The following MTG2 variants were observed in gnomAD, a reference collection of about 807,000 sequenced individuals.
The protein encoded by MTG2 is mitochondrial ribosome-associated GTPase 2.
In MTG2, 23 loss-of-function variants were observed where a neutral mutation model predicts 28.6. The ratio of observed to expected loss-of-function variants is 0.80; its 90% CI spans 0.58 to 1.14. The LOEUF (loss-of-function observed/expected upper bound fraction) is 1.14, where lower values mean the gene tolerates loss of function less well. MTG2 is among the 50% of genes most tolerant of loss of function. The pLI, the probability that MTG2 is intolerant of heterozygous loss-of-function variation, is 0.00. For missense variants in MTG2, 539 were observed against 552.0 expected (o/e 0.98, Z 0.24); for synonymous variants, 260 against 251.8 (o/e 1.03, Z -0.31).
Position 62,183,063 on chromosome 20 carries a change from T to G in MTG2, c.-6+6T>G, listed in dbSNP as rs1185331290. On this transcript the variant is annotated splice_donor_region_variant and intron_variant, in intron 1 of 6. Transcript: ENST00000370823. ...TGACGTGCTTTCCCGAGCCGGTGAG[T>G]GCGGGAGCGGGGAGCGGGGAGCGTG... The G allele has an allele frequency of 7.2e-6, 1 of 139,758 alleles. No homozygotes were observed. Among genetic ancestry groups the G allele is most frequent in the African/African-American group, 3.3e-5 (1 of 29,984 alleles). 8.7% of individuals were successfully genotyped at this position (139,758 alleles called of 1,614,324 possible). A position where few individuals can be genotyped will look rare whatever the true frequency, so the allele number is the denominator to read the frequency against.
In MTG2 at chr20:62,200,945, G is replaced by A. The variant is rs201754148; in HGVS notation, c.1089G>A (p.Leu363=). The change falls in exon 7 of 7, where the codon TTG becomes TTA. Residue 363 remains leucine, a synonymous_variant. Coordinates refer to ENST00000370823, the MANE Select transcript of MTG2 (RefSeq NM_015666.4). ...ATCTGTCCCAGCTCCGGGATCACTT[G>A]GGACAGGAGGTCATCGTGCTGTCGG... is the stretch of plus-strand genomic sequence containing the variant. ...QANLSQLRDH[L]GQEVIVLSAL... 1.7e-5 allele frequency: 28 copies of A among 1,614,048 alleles called. No individual in the cohort carries two copies. In the Middle Eastern group the frequency reaches 9.9e-4, roughly 57 times the overall value.
chr20:62,199,763 C>G (rs1466743348), intron 6 of MTG2, among the ~76,000 whole-genome samples: 3 of 136,188 alleles, frequency 2.2e-5, no homozygotes, highest in East Asian at 5.0e-4. Flanking sequence ...GGTGCGATCT[C>G]AGCTCACTGC....
chr20:62,198,110 C>T (rs1199252597), intron 4 of MTG2, 143 bp downstream of exon 4: 1 of 659,868 alleles, frequency 1.5e-6, no homozygotes, highest in Non-Finnish European at 2.6e-6. Context: ...GGCTGGCAGA[C>T]AGCGGGAAAG....
At chr20:62,183,880 C>G (rs1216431281) in intron 1 of MTG2, among the ~76,000 whole-genome samples, 4 of 152,202 alleles carry the variant, frequency 2.6e-5, no homozygotes, top group Non-Finnish European at 5.9e-5. Context: ...TGAAATTATC[C>G]TGGCCTTAGT....
chr20:62,196,167 G>GT (rs35103146), intron 3 of MTG2, among the ~76,000 whole-genome samples: 6,270 of 145,862 alleles, frequency 0.043, 163 homozygotes, highest in Non-Finnish European at 0.069. Flanking sequence ...TTGTTTTTTT[G>GT]TTTTTTTTTT....
intron 3 of MTG2, among the ~76,000 whole-genome samples, chr20:62,196,931 C>G (rs182754747): frequency 3.9e-4 from 60 of 152,098 alleles, no homozygotes; most frequent in African/African-American, 1.3e-3. Flanking sequence ...ACTAGGGAGG[C>G]TGAGGCAGGA....
At chr20:62,195,316 C>G (rs755723122) in intron 2 of MTG2, among the ~76,000 whole-genome samples, 1 of 152,228 alleles carries the variant, frequency 6.6e-6, no homozygotes, top group Non-Finnish European at 1.5e-5. Context: ...TCTTCAGAGT[C>G]GAAAGCCTGG....
In MTG2 at chr20:62,203,328, G is replaced by A. The variant is rs1037507796; in HGVS notation, c.*2251G>A. 2.6e-5 allele frequency: 4 copies of A among 152,242 alleles called. No homozygotes were observed. Among genetic ancestry groups the A allele is most frequent in the African/African-American group, 9.7e-5 (4 of 41,444 alleles). 9.4% of individuals were successfully genotyped at this position (152,242 alleles called of 1,614,324 possible). A position where few individuals can be genotyped will look rare whatever the true frequency, so the allele number is the denominator to read the frequency against. On this transcript the variant is annotated 3_prime_UTR_variant, in exon 7 of 7. Coordinates refer to ENST00000370823, the MANE Select transcript of MTG2 (RefSeq NM_015666.4). ...CAGAGGGGGAGTCACTGCCACGAAG[G>A]TTGCCCAGAACTTTCCTTGCTGCAA...
At chr20:62,190,381 A>G (rs1359068792) in intron 1 of MTG2, among the ~76,000 whole-genome samples, 1 of 152,184 alleles carries the variant, frequency 6.6e-6, no homozygotes, top group African/African-American at 2.4e-5. Flanking sequence ...GAGGAAAACA[A>G]TAGTATTTTA....
intron 1 of MTG2, among the ~76,000 whole-genome samples, chr20:62,192,118 C>T (rs992887877): frequency 4.6e-5 from 7 of 152,208 alleles, no homozygotes; most frequent in African/African-American, 7.2e-5. Flanking sequence ...GACCCTGCCG[C>T]GGTTATCAGG....
At chr20:62,197,783 C>A in intron 3 of MTG2, 69 bp from the exon 4 acceptor site, 1 of 1,365,918 alleles carries the variant, frequency 7.3e-7, no homozygotes, top group Non-Finnish European at 1.0e-6. Flanking sequence ...TAAACTGGAC[C>A]CAGACACATC....
At chr20:62,184,651 T>G (rs2057803584) in intron 1 of MTG2, among the ~76,000 whole-genome samples, 1 of 152,248 alleles carries the variant, frequency 6.6e-6, no homozygotes, top group South Asian at 2.1e-4. Flanking sequence ...GCCTCCAGTC[T>G]CTGGTAGAGG....
chr20:62,195,447 T>C (rs563102943), intron 2 of MTG2, among the ~76,000 whole-genome samples: 6 of 152,248 alleles, frequency 3.9e-5, no homozygotes, highest in Non-Finnish European at 4.4e-5. Flanking sequence ...AGACACATTA[T>C]ATAAGGAATA....
Position 62,201,214 on chromosome 20 carries a change from G to A in MTG2, c.*137G>A. On this transcript the variant is annotated 3_prime_UTR_variant, in exon 7 of 7. Transcript: ENST00000370823. ...CTGGGTCTCTGGGCCCCGCCTGCTG[G>A]CCTGAGATGCCCTCATGTTGGGAAG... is the stretch of plus-strand genomic sequence containing the variant. The A allele has an allele frequency of 1.8e-6, 2 of 1,095,602 alleles. No individual in the cohort carries two copies. Among genetic ancestry groups the A allele is most frequent in the Non-Finnish European group, 2.5e-6 (2 of 790,182 alleles). The allele number at this position is 1,095,602 out of a possible 1,614,324, so 67.9% of individuals were successfully genotyped here. A position where few individuals can be genotyped will look rare whatever the true frequency, so the allele number is the denominator to read the frequency against.
intron 2 of MTG2, among the ~76,000 whole-genome samples, chr20:62,194,224 GTC>G (rs2058017884): frequency 6.6e-6 from 1 of 152,014 alleles, no homozygotes; most frequent in East Asian, 1.9e-4. Context: ...AGCATGAATT[GTC>G]TCTAATAAAT....
chr20:62,201,145 G>T lies in MTG2; in HGVS notation c.*68G>T. On this transcript the variant is annotated 3_prime_UTR_variant, in exon 7 of 7. Coordinates refer to ENST00000370823, the MANE Select transcript of MTG2 (RefSeq NM_015666.4). ...ACCTGGGTGTGAATTCGGTGGTTTT[G>T]AATGCATAAAGTGCCTTGTGGACAC... The T allele has an allele frequency of 6.8e-7, 1 of 1,476,628 alleles. No homozygotes were observed. Among genetic ancestry groups the T allele is most frequent in the South Asian group, 1.4e-5 (1 of 73,126 alleles). The allele number at this position is 1,476,628 out of a possible 1,614,324, so 91.5% of individuals were successfully genotyped here.
At chr20:62,190,092 G>A (rs2057926426) in intron 1 of MTG2, among the ~76,000 whole-genome samples, 1 of 152,180 alleles carries the variant, frequency 6.6e-6, no homozygotes, top group Admixed American at 6.5e-5. Context: ...CTAGTTCTGA[G>A]CATTTCATTT....
chr20:62,188,508 A>ATTTTTTTTTT (rs1192106476), intron 1 of MTG2, among the ~76,000 whole-genome samples: 7 of 89,724 alleles, frequency 7.8e-5, no homozygotes, highest in African/African-American at 1.3e-4. Context: ...TAATCAGCTA[A>ATTTTTTTTTT]TTTTTTTTTT....
intron 1 of MTG2, among the ~76,000 whole-genome samples, chr20:62,187,724 G>A (rs995123603): frequency 1.3e-5 from 2 of 152,114 alleles, no homozygotes; most frequent in Non-Finnish European, 2.9e-5. Flanking sequence ...GCGCTCTCTC[G>A]TTTTCCTGAT....
Sources: gnomAD v4.1 joint callset for allele counts (sites outside exome capture counted in the v4.1 genomes callset) on GRCh38, gnomAD v4.1.1 for gene constraint, MANE v1.5 for transcripts, NCBI Gene and HGNC (gene_info 2026-07-23, HGNC 2026-07-21) for gene names.